GPC6: variants seen among roughly 807,000 people sequenced by gnomAD.
GPC6 encodes glypican 6.
In GPC6, 14 loss-of-function variants were observed where a neutral mutation model predicts 55.2. The observed-to-expected ratio is 0.25, with a 90% CI of 0.17 to 0.40. GPC6 has a LOEUF of 0.40. Among genes scored for constraint, GPC6 ranks in the 10% least tolerant of loss-of-function variants. The probability of loss-of-function intolerance (pLI) is 1.00; values close to 1 mark genes in which losing one functional copy is unlikely to be tolerated. For synonymous variants in GPC6, 278 were observed against 259.6 expected (o/e 1.07, Z -0.68); for missense variants, 641 against 708.5 (o/e 0.90, Z 1.08).
chr13:93,555,413 A>G (rs182695174), intron 2 of GPC6, among the ~76,000 whole-genome samples: 38 of 152,286 alleles, frequency 2.5e-4, no homozygotes, highest in East Asian at 1.7e-3. Flanking sequence ...TTGTGTGACA[A>G]TGGTAGCAAC....
At chr13:93,282,571 A>C (rs960740221) in intron 1 of GPC6, among the ~76,000 whole-genome samples, 1 of 152,118 alleles carries the variant, frequency 6.6e-6, no homozygotes, top group Non-Finnish European at 1.5e-5. Context: ...ACTCTCCTTA[A>C]ATATAAGAAG....
intron 1 of GPC6, among the ~76,000 whole-genome samples, chr13:93,347,580 C>G (rs960191301): frequency 6.6e-6 from 1 of 152,136 alleles, no homozygotes; most frequent in Non-Finnish European, 1.5e-5. Flanking sequence ...CTAATGCTTC[C>G]TATATCATGC....
intron 2 of GPC6, among the ~76,000 whole-genome samples, chr13:93,599,963 C>CA (rs1010823820): frequency 2.6e-5 from 4 of 151,624 alleles, no homozygotes; most frequent in Non-Finnish European, 2.9e-5. Context: ...TTCTCCCCTC[C>CA]AAAAAAAAGC....
intron 4 of GPC6, among the ~76,000 whole-genome samples, chr13:94,096,840 T>A (rs1041992954): frequency 6.6e-6 from 1 of 152,228 alleles, no homozygotes; most frequent in Non-Finnish European, 1.5e-5. Context: ...CTTCTGGTTT[T>A]TTCTCCTACA....
chr13:94,338,228 A>G (rs1481043938), intron 6 of GPC6, among the ~76,000 whole-genome samples: 1 of 152,222 alleles, frequency 6.6e-6, no homozygotes. Context: ...AGTAATCTCC[A>G]GGGATTACTA....
intron 1 of GPC6, among the ~76,000 whole-genome samples, chr13:93,511,347 G>C (rs1566397025): frequency 1.3e-5 from 2 of 151,390 alleles, no homozygotes; most frequent in South Asian, 4.2e-4. Context: ...TCTTTATTTT[G>C]AGTTGATTTT....
At chr13:93,229,964 CTGT>C (rs2138999533) in intron 1 of GPC6, among the ~76,000 whole-genome samples, 1 of 152,230 alleles carries the variant, frequency 6.6e-6, no homozygotes, top group East Asian at 1.9e-4. Flanking sequence ...GAAATATACC[CTGT>C]TGTTACAGGA....
intron 2 of GPC6, among the ~76,000 whole-genome samples, chr13:93,624,293 G>A (rs914377325): frequency 6.6e-6 from 1 of 151,996 alleles, no homozygotes; most frequent in Non-Finnish European, 1.5e-5. Context: ...AATCTAAGGA[G>A]CTCTCTTAAA....
intron 6 of GPC6, among the ~76,000 whole-genome samples, chr13:94,317,040 G>A (rs1241609283): frequency 2.6e-5 from 4 of 152,134 alleles, no homozygotes; most frequent in Non-Finnish European, 4.4e-5. Flanking sequence ...AGCCTTCATC[G>A]AAGGAGAACA....
At chr13:93,977,185 A>G (rs1594636100) in intron 3 of GPC6, among the ~76,000 whole-genome samples, 2 of 152,082 alleles carry the variant, frequency 1.3e-5, no homozygotes, top group Admixed American at 1.3e-4. Context: ...ACCTGCACCC[A>G]AAACTTGCTC....
At chr13:93,946,819 T>C (rs1286681810) in intron 3 of GPC6, among the ~76,000 whole-genome samples, 1 of 152,212 alleles carries the variant, frequency 6.6e-6, no homozygotes, top group East Asian at 1.9e-4. Context: ...TCCTTACTTT[T>C]TTCCAGCTTA....
chr13:94,116,734 C>T (rs569089619), intron 4 of GPC6, among the ~76,000 whole-genome samples: 120 of 152,140 alleles, frequency 7.9e-4, no homozygotes, highest in Non-Finnish European at 1.2e-3. Context: ...TCCATCTTCC[C>T]TGATGATGAT....
chr13:93,663,815 A>T (rs1000495927), intron 2 of GPC6, among the ~76,000 whole-genome samples: 1 of 152,208 alleles, frequency 6.6e-6, no homozygotes, highest in Non-Finnish European at 1.5e-5. Context: ...TGCTAGATGT[A>T]TAGGTAAAAA....
chr13:94,241,935 A>G (rs967251293), intron 4 of GPC6, among the ~76,000 whole-genome samples: 1 of 149,898 alleles, frequency 6.7e-6, no homozygotes, highest in Non-Finnish European at 1.5e-5. Context: ...TATTATTATT[A>G]TGCTTTAAGT....
intron 1 of GPC6, among the ~76,000 whole-genome samples, chr13:93,385,629 G>A (rs1875367610): frequency 1.3e-5 from 2 of 152,256 alleles, no homozygotes; most frequent in South Asian, 4.1e-4. Flanking sequence ...AGAAATGACA[G>A]TTGGAGAACA....
At chr13:93,913,758 C>A (rs910800942) in intron 3 of GPC6, among the ~76,000 whole-genome samples, 1 of 152,166 alleles carries the variant, frequency 6.6e-6, no homozygotes, top group Non-Finnish European at 1.5e-5. Context: ...ATGGCAACAA[C>A]CGCTGGTCAT....
intron 3 of GPC6, among the ~76,000 whole-genome samples, chr13:93,843,152 G>A (rs986341066): frequency 1.3e-5 from 2 of 149,028 alleles, no homozygotes; most frequent in Non-Finnish European, 3.0e-5. Flanking sequence ...GTTTGCTGCC[G>A]ATATATCTGG....
At chr13:93,769,787 T>C (rs1173094858) in intron 2 of GPC6, among the ~76,000 whole-genome samples, 2 of 152,220 alleles carry the variant, frequency 1.3e-5, no homozygotes, top group Non-Finnish European at 2.9e-5. Context: ...GGAAGGATGA[T>C]TCATGCTTTA....
intron 4 of GPC6, among the ~76,000 whole-genome samples, chr13:94,227,798 C>T (rs1483226995): frequency 6.6e-6 from 1 of 152,028 alleles, no homozygotes; most frequent in Non-Finnish European, 1.5e-5. Flanking sequence ...AGAACCCAGG[C>T]TGATGACGTA....
Sources: gnomAD v4.1 joint callset for allele counts (sites outside exome capture counted in the v4.1 genomes callset) on GRCh38, gnomAD v4.1.1 for gene constraint, MANE v1.5 for transcripts, NCBI Gene and HGNC (gene_info 2026-07-23, HGNC 2026-07-21) for gene names.